NFE2L1: variants seen among roughly 807,000 people sequenced by gnomAD.
NFE2L1 encodes the protein endoplasmic reticulum membrane sensor NFE2L1.
Under a neutral mutation model 61.6 loss-of-function variants are expected in NFE2L1, and 18 were observed. The ratio of observed to expected loss-of-function variants is 0.29; its 90% CI spans 0.20 to 0.43. The LOEUF (loss-of-function observed/expected upper bound fraction) is 0.43. NFE2L1 is among the 20% of genes least tolerant of loss of function. The pLI is 1.00. For missense variants in NFE2L1, 827 were observed against 973.5 expected, an observed-to-expected ratio of 0.85 and a Z score of 2.00; for synonymous variants, 419 against 402.7, an observed-to-expected ratio of 1.04 and a Z score of -0.48.
chr17:48,057,546 A>G (rs759281000), intron 5 of NFE2L1, 44 bp downstream of exon 5: 62 of 1,582,626 alleles, frequency 3.9e-5, no homozygotes, highest in Non-Finnish European at 5.1e-5. Context: ...GATTTTGCAC[A>G]GATTGTCTTA....
In NFE2L1 at chr17:48,058,919, C is replaced by T; in HGVS notation, c.1597C>T (p.Leu533=). ...TGGCTACAGCTCTGACTCTGAGACC[C>T]TGGATCTGGAAGAGGCCGAGGGTGC... ...AVGYSSDSET[L]DLEEAEGAVG... is the part of the protein sequence containing the mutation. The change falls in exon 6 of 6, where the codon CTG becomes TTG. Residue 533 remains leucine, a synonymous_variant. Coordinates refer to ENST00000362042, the MANE Select transcript of NFE2L1 (RefSeq NM_003204.3). The T allele has an allele frequency of 1.2e-6, 2 of 1,613,948 alleles. No individual in the cohort carries two copies. Among genetic ancestry groups the T allele is most frequent in the Non-Finnish European group, 1.7e-6 (2 of 1,180,046 alleles).
intron 5 of NFE2L1, 25 bp downstream of exon 5, chr17:48,057,527 A>G (rs772101281): frequency 6.9e-6 from 11 of 1,602,398 alleles, no homozygotes; most frequent in Admixed American, 3.4e-5. Flanking sequence ...ACCGGGCACA[A>G]ACCTATTGGA....
rs1157050628 is a variant in NFE2L1 at position 48,060,648 on chromosome 17, G to C, written c.*1007G>C. 1 of 152,722 alleles carries C rather than the reference G, an allele frequency of 6.5e-6. No homozygotes were observed. Among genetic ancestry groups the C allele is most frequent in the Non-Finnish European group, 1.5e-5 (1 of 68,110 alleles). 9.5% of individuals were successfully genotyped at this position (152,722 alleles called of 1,614,324 possible). A position where few individuals can be genotyped will look rare whatever the true frequency, so the allele number is the denominator to read the frequency against. On this transcript the variant is annotated 3_prime_UTR_variant, in exon 6 of 6. Transcript: ENST00000362042. ...CTTCTGGGACTGCTGTGAGGCAGAGGAATGATGGAGAATCTAGTGTAGCAG... is the reference window on the plus strand; with the variant it reads ...CTTCTGGGACTGCTGTGAGGCAGAGCAATGATGGAGAATCTAGTGTAGCAG...
intron 1 of NFE2L1, among the ~76,000 whole-genome samples, chr17:48,049,677 G>A (rs756789850): frequency 6.6e-6 from 1 of 152,242 alleles, no homozygotes; most frequent in Non-Finnish European, 1.5e-5. Context: ...ACAGGCGTCG[G>A]CCCTTTTCCT....
At chr17:48,054,174 C>T (rs770314786) in intron 2 of NFE2L1, among the ~76,000 whole-genome samples, 1 of 152,186 alleles carries the variant, frequency 6.6e-6, no homozygotes, top group Non-Finnish European at 1.5e-5. Flanking sequence ...AGAGAATCTG[C>T]GGGAGAAGTG....
At chr17:48,055,751 T>G (rs549555931) in intron 2 of NFE2L1, among the ~76,000 whole-genome samples, 1 of 152,170 alleles carries the variant, frequency 6.6e-6, no homozygotes, top group South Asian at 2.1e-4. Context: ...GAGCCTGGGC[T>G]TGAGGAGTTG....
chr17:48,054,461 A>C, intron 2 of NFE2L1: 2 of 457,104 alleles, frequency 4.4e-6, no homozygotes, highest in Non-Finnish European at 3.3e-6. Flanking sequence ...CCGCATCTCC[A>C]GCGGAGACTT....
chr17:48,057,530 C>T (rs760473158), intron 5 of NFE2L1, 28 bp downstream of exon 5: 2 of 1,599,186 alleles, frequency 1.3e-6, no homozygotes, highest in East Asian at 4.5e-5. Flanking sequence ...GGGCACAAAC[C>T]TATTGGATTT....
At chr17:48,056,806 C>T (rs1200326059) in intron 3 of NFE2L1, among the ~76,000 whole-genome samples, 1 of 152,214 alleles carries the variant, frequency 6.6e-6, no homozygotes, top group East Asian at 1.9e-4. Context: ...AATGGCCAGG[C>T]CGTGGCAACA....
rs532924102 is a variant in NFE2L1 at position 48,055,632 on chromosome 17, G to A, written c.511-754G>A. On this transcript the variant is annotated intron_variant, in intron 2 of 5. Coordinates refer to ENST00000362042, the MANE Select transcript of NFE2L1 (RefSeq NM_003204.3). ...GACACAGTGAGGCTGGCCCGAGCAG[G>A]GGGTGGGGTGCACCCCTGGGGATCA... Among the ~76,000 whole-genome samples, 10 of 152,096 alleles carry A rather than the reference G, an allele frequency of 6.6e-5. No homozygotes were observed. The East Asian group carries it at 1.9e-3, about 29-fold the overall frequency.
chr17:48,055,207 G>C, intron 2 of NFE2L1: 1 of 1,286,684 alleles, frequency 7.8e-7, no homozygotes, highest in Non-Finnish European at 9.8e-7. Flanking sequence ...GGGTCAGGGG[G>C]GGTTAATGGG....
chr17:48,055,577 TG>T (rs10711107), intron 2 of NFE2L1, among the ~76,000 whole-genome samples: 41,105 of 150,200 alleles, frequency 0.27, 6,268 homozygotes, highest in African/African-American at 0.43. Context: ...TCCTGGGGTA[TG>T]GTGAGGGAAT....
intron 2 of NFE2L1, chr17:48,055,106 G>C (rs2037363291): frequency 6.9e-7 from 1 of 1,444,382 alleles, no homozygotes; most frequent in Admixed American, 2.5e-5. Flanking sequence ...TGGTCACCGG[G>C]TGGCCCAGCC....
intron 5 of NFE2L1, among the ~76,000 whole-genome samples, chr17:48,057,851 G>A (rs1021121853): frequency 3.9e-5 from 6 of 152,164 alleles, no homozygotes; most frequent in African/African-American, 9.7e-5. Flanking sequence ...GCCATCGTTC[G>A]CTCACTTGGC....
rs963153814 is a variant in NFE2L1, at chr17:48,061,022, A to G, written c.*1381A>G. The stretch of plus-strand genomic sequence containing the variant: ...CTTTCTTTTTTGGGTTTCTTTCTAG[A>G]AGATTGAGAAGTGCATATGACAGGC... On this transcript the variant is annotated 3_prime_UTR_variant, in exon 6 of 6. Coordinates refer to ENST00000362042, the MANE Select transcript of NFE2L1 (RefSeq NM_003204.3). 6.6e-6 allele frequency: 1 copy of G among 152,464 alleles called. No homozygotes were observed. Among genetic ancestry groups the G allele is most frequent in the Non-Finnish European group, 1.5e-5 (1 of 68,018 alleles). 9.4% of individuals were successfully genotyped at this position (152,464 alleles called of 1,614,324 possible).
At chr17:48,053,048 G>A (rs2037294306) in intron 2 of NFE2L1, among the ~76,000 whole-genome samples, 1 of 152,240 alleles carries the variant, frequency 6.6e-6, no homozygotes, top group East Asian at 1.9e-4. Flanking sequence ...TTTCCTTCAA[G>A]TGGGCTCTAA....
chr17:48,051,522 G>A lies in NFE2L1; in HGVS notation c.404G>A (p.Gly135Asp). ...ESSSGLQDVT[G>D]PDNGVRESET... Reference sequence around the variant, plus strand: ...TCCAGTGGCCTCCAAGATGTGACAGGCCCAGACAACGGGGTGCGAGAAAGC... The same window carrying A: ...TCCAGTGGCCTCCAAGATGTGACAGACCCAGACAACGGGGTGCGAGAAAGC... The change falls in exon 2 of 6, where the codon GGC becomes GAC. Residue 135 changes from glycine to aspartate, a missense_variant. Physicochemically the swap from Gly to Asp is moderately conservative, Grantham distance 94. Transcript: ENST00000362042. 6.2e-7 allele frequency: 1 copy of A among 1,614,198 alleles called. No homozygotes were observed. Among genetic ancestry groups the A allele is most frequent in the Non-Finnish European group, 8.5e-7 (1 of 1,180,042 alleles).
At chr17:48,051,991 C>T (rs9899461) in intron 2 of NFE2L1, among the ~76,000 whole-genome samples, 41,493 of 151,950 alleles carry the variant, frequency 0.27, 6,403 homozygotes, top group African/African-American at 0.43. Flanking sequence ...GACACAAATA[C>T]TTTTTGGACT....
At chr17:48,050,368 A>G (rs905416743) in intron 1 of NFE2L1, among the ~76,000 whole-genome samples, 2 of 152,106 alleles carry the variant, frequency 1.3e-5, no homozygotes, top group Non-Finnish European at 2.9e-5. Context: ...AATCCCAGAT[A>G]CTTGGGAGGC....
Sources: allele counts gnomAD v4.1 joint callset (sites outside exome capture counted in the v4.1 genomes callset), GRCh38; gene constraint gnomAD v4.1.1; transcripts MANE v1.5; gene names NCBI Gene and HGNC (gene_info 2026-07-23, HGNC 2026-07-21).